Variants in DLG1 observed in about 807,000 individuals in gnomAD.
DLG1 encodes discs large MAGUK scaffold protein 1.
DLG1 carries 42 observed loss-of-function variants against 123.4 expected under a neutral mutation model. The observed-to-expected ratio is 0.34, with a 90% confidence interval of 0.27 to 0.44. The LOEUF (loss-of-function observed/expected upper bound fraction) is 0.44. Among genes scored for constraint, DLG1 ranks in the 20% least tolerant of loss-of-function variants. DLG1 has a pLI of 1.00. For synonymous variants in DLG1, 317 were observed against 356.2 expected (o/e 0.89, Z 1.24); for missense variants, 942 against 1,082.6 (o/e 0.87, Z 1.82).
chr3:197,090,470 C>T (rs531456061), intron 15 of DLG1, among the ~76,000 whole-genome samples: 18 of 151,950 alleles, frequency 1.2e-4, no homozygotes, highest in African/African-American at 3.4e-4. Context: ...CATTATTTAC[C>T]GAGGCTATTC....
chr3:197,047,536 A>G (rs529180989), intron 24 of DLG1, among the ~76,000 whole-genome samples: 1 of 124,732 alleles, frequency 8.0e-6, no homozygotes, highest in East Asian at 2.0e-4. Context: ...CAAAGACTTG[A>G]GGAGGAAGTT....
intron 5 of DLG1, among the ~76,000 whole-genome samples, chr3:197,164,748 AAAAAAAAG>A (rs1350724270): frequency 1.1e-5 from 1 of 89,056 alleles, no homozygotes; most frequent in East Asian, 2.3e-3. Flanking sequence ...CTAAAAAAAA[AAAAAAAAG>A]AAAAAAAATA....
chr3:197,081,061 C>G lies in DLG1; in HGVS notation c.1895G>C (p.Arg632Thr), dbSNP rs775676371. ...LKTVKFNSKT[R>T]DKGQSFNDKR... ...ATTTCAAATACTCACCCCTTTATCT[C>G]TCGTTTTAGAATTGAATTTCACTGT... Residue 632 changes from arginine (R) to threonine (T), a missense_variant, in exon 17 of 25, where the codon AGA becomes ACA. By Grantham distance (71) the Arg-to-Thr change is moderately conservative. Transcript: ENST00000667157. 89 of 1,613,138 alleles carry G rather than the reference C, an allele frequency of 5.5e-5. No individual in the cohort carries two copies. The highest frequency in any genetic ancestry group is 7.1e-5 in the Non-Finnish European group (84 of 1,179,470).
At chr3:197,220,595 T>C (rs1216597602) in intron 4 of DLG1, among the ~76,000 whole-genome samples, 3 of 152,196 alleles carry the variant, frequency 2.0e-5, no homozygotes, top group Non-Finnish European at 4.4e-5. Flanking sequence ...TTTCCCAATA[T>C]ATGAAAAAAT....
chr3:197,169,458 G>A (rs766082263), intron 5 of DLG1, among the ~76,000 whole-genome samples: 1 of 152,154 alleles, frequency 6.6e-6, no homozygotes, highest in South Asian at 2.1e-4. Flanking sequence ...ATATCTTGGT[G>A]ACTGATGAGA....
In DLG1 at chr3:197,142,692, C is replaced by A. The variant is rs1214829924; in HGVS notation, c.588+26G>T. 3 of 1,554,542 alleles carry A rather than the reference C, an allele frequency of 1.9e-6. No individual in the cohort carries two copies. In the African/African-American group the frequency reaches 4.1e-5, roughly 21 times the overall value. On this transcript the variant is annotated intron_variant, in intron 7 of 24. Transcript: ENST00000667157. The stretch of plus-strand genomic sequence containing the variant: ...CAGTATATTACAAAGTTCTCTAGAA[C>A]AACAGATTAAGATAATAGTTTTTAC...
At chr3:197,261,185 G>A (rs1759271145) in intron 4 of DLG1, among the ~76,000 whole-genome samples, 1 of 152,204 alleles carries the variant, frequency 6.6e-6, no homozygotes, top group Admixed American at 6.5e-5. Context: ...ATTAGGACTG[G>A]AGCTAGATAG....
At chr3:197,059,839 C>T (rs765016014) in intron 23 of DLG1, 50 bp downstream of exon 23, 10 of 1,242,428 alleles carry the variant, frequency 8.0e-6, no homozygotes, top group Non-Finnish European at 1.2e-5. Flanking sequence ...AATTACCCTA[C>T]AGTGACTGAA....
At chr3:197,154,854 A>G (rs913019814) in intron 5 of DLG1, among the ~76,000 whole-genome samples, 6 of 152,152 alleles carry the variant, frequency 3.9e-5, no homozygotes, top group African/African-American at 1.2e-4. Flanking sequence ...AGTAGTGAAC[A>G]TGAGATAGGA....
At chr3:197,298,760 G>T (rs889896289), upstream of DLG1, 1 of 395,932 alleles carries the variant, frequency 2.5e-6, no homozygotes, top group Non-Finnish European at 4.4e-6. Context: ...TGATTGTTAA[G>T]TTACTCTTCG....
At chr3:197,106,000 G>A (rs1766127840) in intron 13 of DLG1, among the ~76,000 whole-genome samples, 1 of 152,158 alleles carries the variant, frequency 6.6e-6, no homozygotes, top group Non-Finnish European at 1.5e-5. Flanking sequence ...ATTTGACTAT[G>A]AGCCCAGAAA....
At chr3:197,116,162 T>TA in intron 12 of DLG1, 79 bp from the exon 13 acceptor site, 1 of 1,127,966 alleles carries the variant, frequency 8.9e-7, no homozygotes, top group Non-Finnish European at 1.3e-6. Flanking sequence ...TACCTACTGA[T>TA]AATTTTTATG....
chr3:197,224,910 C>G (rs145628106), intron 4 of DLG1, among the ~76,000 whole-genome samples: 1 of 152,156 alleles, frequency 6.6e-6, no homozygotes, highest in East Asian at 1.9e-4. Flanking sequence ...CCAAATACTA[C>G]GTTAGAGGGC....
At chr3:197,060,912 G>A (rs548758913) in intron 22 of DLG1, among the ~76,000 whole-genome samples, 7 of 150,798 alleles carry the variant, frequency 4.6e-5, no homozygotes, top group African/African-American at 7.5e-5. Context: ...TGCAACTTCC[G>A]CCTGCTTCAG....
chr3:197,211,309 T>C (rs1437984056), intron 4 of DLG1, among the ~76,000 whole-genome samples: 1 of 146,440 alleles, frequency 6.8e-6, no homozygotes, highest in African/African-American at 2.4e-5. Context: ...AGCATCATCC[T>C]GATACCAAAA....
chr3:197,125,799 G>A (rs1305075616), intron 11 of DLG1, among the ~76,000 whole-genome samples: 2 of 152,168 alleles, frequency 1.3e-5, no homozygotes, highest in Non-Finnish European at 2.9e-5. Flanking sequence ...GACAGCATGA[G>A]TAACAGTGGC....
At chr3:197,049,968 A>G (rs1726178930) in intron 24 of DLG1, among the ~76,000 whole-genome samples, 1 of 151,432 alleles carries the variant, frequency 6.6e-6, no homozygotes, top group African/African-American at 2.4e-5. Flanking sequence ...AGCTGAAGAG[A>G]GAGAATTGCT....
intron 5 of DLG1, among the ~76,000 whole-genome samples, chr3:197,186,769 A>C (rs1042903384): frequency 6.6e-6 from 1 of 152,178 alleles, no homozygotes; most frequent in Middle Eastern, 3.2e-3. Context: ...TTTGAGACGG[A>C]GTCTCACTAC....
At chr3:197,209,125 T>C (rs945335510) in intron 4 of DLG1, among the ~76,000 whole-genome samples, 3 of 146,278 alleles carry the variant, frequency 2.1e-5, no homozygotes, top group African/African-American at 7.3e-5. Flanking sequence ...GTTGAGAATC[T>C]GAGCATGAAT....
Sources: allele counts gnomAD v4.1 joint callset (sites outside exome capture counted in the v4.1 genomes callset), GRCh38; gene constraint gnomAD v4.1.1; transcripts MANE v1.5; gene names NCBI Gene and HGNC (gene_info 2026-07-23, HGNC 2026-07-21).